The following AMY2B variants were observed in gnomAD, a reference collection of about 807,000 sequenced individuals.
AMY2B encodes alpha-amylase 2B.
A neutral mutation model predicts 59.3 loss-of-function variants in AMY2B; 63 were observed. That is an observed-to-expected ratio of 1.06 (90% CI 0.87 to 1.31). AMY2B has a LOEUF of 1.31. Among genes scored for constraint, AMY2B ranks in the 50% most tolerant of loss-of-function variants. AMY2B has a pLI of 0.00. For missense variants in AMY2B, 635 were observed against 626.7 expected (o/e 1.01, Z -0.14); for synonymous variants, 180 against 198.1 (o/e 0.91, Z 0.77).
intron 1 of AMY2B, among the ~76,000 whole-genome samples, chr1:103,559,667 AAAGG>A (rs1651672013): frequency 6.6e-6 from 1 of 152,220 alleles, no homozygotes; most frequent in African/African-American, 2.4e-5. Context: ...GAAGATGGAA[AAAGG>A]AAGCAAATTT....
chr1:103,575,649 G>T lies in AMY2B; in HGVS notation c.1101+109G>T, dbSNP rs530205593. 4.0e-6 allele frequency: 6 copies of T among 1,491,936 alleles called. No homozygotes were observed. In the South Asian group the frequency reaches 6.4e-5, roughly 16 times the overall value. 92.4% of individuals were successfully genotyped at this position (1,491,936 alleles called of 1,614,324 possible). A position where few individuals can be genotyped will look rare whatever the true frequency, so the allele number is the denominator to read the frequency against. On this transcript the variant is annotated intron_variant, in intron 7 of 9. Transcript: ENST00000684275. The stretch of plus-strand genomic sequence containing the variant: ...TATATATTCAACAAATAATTGATTA[G>T]AAACCTGATATAGGGCTGCGATTTT...
rs887464765 is a variant in AMY2B, at chr1:103,575,735, A to G, written c.1101+195A>G. The G allele has an allele frequency of 3.6e-6, 3 of 838,148 alleles. No individual in the cohort carries two copies. The African/African-American group carries it at 5.2e-5, about 15-fold the overall frequency. The allele number at this position is 838,148 out of a possible 1,614,324, so 51.9% of individuals were successfully genotyped here. A position where few individuals can be genotyped will look rare whatever the true frequency, so the allele number is the denominator to read the frequency against. On this transcript the variant is annotated intron_variant, in intron 7 of 9. Coordinates refer to ENST00000684275, the MANE Select transcript of AMY2B (RefSeq NM_001387437.1). ...ATTTTCCATTGACAAAGAGTATGCA[A>G]GCCTTTTCAGACATATGATAAACAT... is the stretch of plus-strand genomic sequence containing the variant.
At position 103,572,942 on chromosome 1, in the gene AMY2B, T is replaced by C. The variant is rs1405892018; in HGVS notation, c.316-121T>C. The C allele has an allele frequency of 1.1e-5, 17 of 1,567,356 alleles. No homozygotes were observed. The South Asian group carries it at 1.9e-4, about 17-fold the overall frequency. On this transcript the variant is annotated intron_variant, in intron 2 of 9. Transcript: ENST00000684275. ...GTTGATTTTTGATCTTGTAGGAAAA[T>C]AGTTATAAGATATCATGAAATATTT...
chr1:103,564,091 C>G (rs1651826558), intron 1 of AMY2B, among the ~76,000 whole-genome samples: 1 of 152,092 alleles, frequency 6.6e-6, no homozygotes, highest in African/African-American at 2.4e-5. Flanking sequence ...ACATTATCAA[C>G]CATATTGAGC....
chr1:103,571,438 T>G, upstream of AMY2B: 1 of 1,422,408 alleles, frequency 7.0e-7, no homozygotes, highest in South Asian at 1.4e-5. Context: ...GAGAGACTTT[T>G]TAATGTTCTT....
intron 1 of AMY2B, chr1:103,565,353 T>C (rs1431035005): frequency 1.3e-5 from 2 of 152,182 alleles, no homozygotes; most frequent in Admixed American, 1.3e-4. Context: ...GATAGTTACA[T>C]TGTTTAGGGA....
At position 103,577,629 on chromosome 1, in the gene AMY2B, A is replaced by C. The variant is rs369166863; in HGVS notation, c.1220+21A>C. Reference sequence around the variant, plus strand: ...ATAAGGTGAGAATATGTATTTAGACATGTCCTCTAATAGTAAACTTTCCAT... The same window carrying C: ...ATAAGGTGAGAATATGTATTTAGACCTGTCCTCTAATAGTAAACTTTCCAT... On this transcript the variant is annotated intron_variant, in intron 8 of 9. Transcript: ENST00000684275. 3.0e-4 allele frequency: 484 copies of C among 1,611,902 alleles called. No individual in the cohort carries two copies. In the African/African-American group the frequency reaches 6.0e-3, roughly 20 times the overall value.
At chr1:103,563,432 C>T (rs1024357537) in intron 1 of AMY2B, among the ~76,000 whole-genome samples, 1 of 152,004 alleles carries the variant, frequency 6.6e-6, no homozygotes, top group African/African-American at 2.4e-5. Flanking sequence ...TATTTTAAAT[C>T]CTTATTTTTG....
In AMY2B at chr1:103,577,820, T is replaced by A. The variant is rs1652423519; in HGVS notation, c.1321T>A (p.Phe441Ile). The A allele has an allele frequency of 6.2e-7, 1 of 1,603,998 alleles. No homozygotes were observed. The highest frequency in any genetic ancestry group is 8.5e-7 in the Non-Finnish European group (1 of 1,179,736). Residue 441 changes from phenylalanine (F) to isoleucine (I), a missense_variant, in exon 9 of 10, where the codon TTC becomes ATC. Coordinates refer to ENST00000684275, the MANE Select transcript of AMY2B (RefSeq NM_001387437.1). Reference sequence around the variant, plus strand: ...GGCTTTTGGGAGAGGAAACAGAGGATTCATTGTTTTCAACAATGATGACTG... The same window carrying A: ...GGCTTTTGGGAGAGGAAACAGAGGAATCATTGTTTTCAACAATGATGACTG... ...QVAFGRGNRG[F>I]IVFNNDDWTF... is the part of the protein sequence containing the mutation.
At chr1:103,567,326 G>T (rs142468315), upstream of AMY2B, among the ~76,000 whole-genome samples, 322 of 152,216 alleles carry the variant, frequency 2.1e-3, 2 homozygotes, top group African/African-American at 7.4e-3. Context: ...GAGTTCACAG[G>T]ATTGGCTGGC....
chr1:103,578,919 G>A (rs1423390557), intron 9 of AMY2B, among the ~76,000 whole-genome samples: 1 of 151,944 alleles, frequency 6.6e-6, no homozygotes, highest in Non-Finnish European at 1.5e-5. Flanking sequence ...GAGTTAGTGG[G>A]TGCAGCGCAC....
chr1:103,574,258 A>G lies in AMY2B; in HGVS notation c.745-2A>G, dbSNP rs771256614. On this transcript the variant is annotated splice_acceptor_variant, in intron 4 of 9. Coordinates refer to ENST00000684275, the MANE Select transcript of AMY2B (RefSeq NM_001387437.1). LOFTEE classifies it high-confidence loss of function. ...TGTTACTTTTTCCTAATTTTCTACT[A>G]GGTAATTGATCTGGGTGGTGAGCCA... The G allele has an allele frequency of 1.9e-6, 3 of 1,611,756 alleles. No individual in the cohort carries two copies. Among genetic ancestry groups the G allele is most frequent in the Non-Finnish European group, 2.5e-6 (3 of 1,179,678 alleles).
At position 103,574,390 on chromosome 1, in the gene AMY2B, T is replaced by G. The variant is rs1256726781; in HGVS notation, c.875T>G (p.Leu292Arg). ...RKWNGEKMSY[L>R]KNWGEGWGFM... ...TGGAATGGAGAGAAGATGTCTTACC[T>G]AAAGTAAATAAATACAACTTTTCCC... is the stretch of plus-strand genomic sequence containing the variant. Residue 292 changes from leucine to arginine, a missense_variant, in exon 5 of 10, where the codon CTA becomes CGA. Transcript: ENST00000684275. 4 of 1,611,364 alleles carry G rather than the reference T, an allele frequency of 2.5e-6. No homozygotes were observed. The East Asian group carries it at 8.9e-5, about 36-fold the overall frequency.
chr1:103,555,767 C>A (rs533349516), intron 1 of AMY2B, among the ~76,000 whole-genome samples: 1 of 151,950 alleles, frequency 6.6e-6, no homozygotes, highest in Non-Finnish European at 1.5e-5. Context: ...AAGAGTCTTG[C>A]GTTCAAGGGG....
intron 2 of AMY2B, chr1:103,565,656 C>A (rs1296472940): frequency 6.7e-6 from 1 of 148,814 alleles, no homozygotes; most frequent in Non-Finnish European, 1.5e-5. Context: ...CTTCTGCAAA[C>A]CCCAGTCAAA....
chr1:103,555,664 G>C (rs1411167607), intron 1 of AMY2B, among the ~76,000 whole-genome samples: 2 of 152,136 alleles, frequency 1.3e-5, no homozygotes, highest in East Asian at 3.9e-4. Context: ...TTGTCAACTT[G>C]ACGTTGACAA....
chr1:103,561,945 A>G (rs1651747501), intron 1 of AMY2B: 1 of 152,182 alleles, frequency 6.6e-6, no homozygotes, highest in African/African-American at 2.4e-5. Context: ...TGAAAGTAAG[A>G]GGTTATAGAA....
chr1:103,577,668 A>G, intron 8 of AMY2B, 52 bp from the exon 9 acceptor site: 1 of 1,611,912 alleles, frequency 6.2e-7, no homozygotes, highest in Non-Finnish European at 8.5e-7. Flanking sequence ...ATTTTATTTA[A>G]AACAGTTGAA....
At position 103,566,136 on chromosome 1, in the gene AMY2B, TA is replaced by T. The variant is rs368554723; in HGVS notation, c.-47+543del. ...TTTCTTACTTAAAAGCAATTTTACCTATCTCTTTTCATTGATGTCAAACCCA... is the reference window on the plus strand; with the variant it reads ...TTTCTTACTTAAAAGCAATTTTACCTTCTCTTTTCATTGATGTCAAACCCA... On this transcript the variant is annotated intron_variant, in intron 2 of 11. Transcript: ENST00000361355. 9.0e-4 allele frequency among the ~76,000 whole-genome samples: 137 copies of T among 152,312 alleles called. 1 individual carries two copies. The highest frequency in any genetic ancestry group is 3.2e-3 in the African/African-American group (132 of 41,582).
Sources: allele counts gnomAD v4.1 joint callset (sites outside exome capture counted in the v4.1 genomes callset), GRCh38; gene constraint gnomAD v4.1.1; transcripts MANE v1.5; gene names NCBI Gene and HGNC (gene_info 2026-07-23, HGNC 2026-07-21).